Variants in C12orf56 observed in about 807,000 individuals in gnomAD.
C12orf56 encodes the protein chromosome 12 open reading frame 56, also known as uncharacterized protein C12orf56.
C12orf56 carries 71 observed loss-of-function variants against 69.9 expected under a neutral mutation model. The observed-to-expected ratio is 1.02, with a 90% CI of 0.84 to 1.24. The LOEUF (loss-of-function observed/expected upper bound fraction) is 1.24. C12orf56 is among the 50% of genes most tolerant of loss of function. The probability of loss-of-function intolerance (pLI) is 0.00; values close to 1 mark genes in which losing one functional copy is unlikely to be tolerated. For missense variants in C12orf56, 732 were observed against 738.5 expected (o/e 0.99, Z 0.10); for synonymous variants, 276 against 274.1 (o/e 1.01, Z -0.07).
intron 2 of C12orf56, 94 bp from the exon 3 acceptor site, chr12:64,331,126 C>T (rs1217586554): frequency 1.9e-6 from 2 of 1,075,610 alleles, no homozygotes; most frequent in East Asian, 5.4e-5. Context: ...AATGACTGTT[C>T]ATAAATCCTC....
At chr12:64,365,974 T>C (rs1207739660) in intron 1 of C12orf56, among the ~76,000 whole-genome samples, 1 of 129,584 alleles carries the variant, frequency 7.7e-6, no homozygotes, top group Non-Finnish European at 1.5e-5. Context: ...GTATATAATA[T>C]ATAGCTTGTA....
intron 8 of C12orf56, among the ~76,000 whole-genome samples, chr12:64,278,707 G>C (rs2038087507): frequency 6.6e-6 from 1 of 152,038 alleles, no homozygotes; most frequent in Admixed American, 6.5e-5. Context: ...TCTTCCTCCT[G>C]TCTAACTGAA....
At chr12:64,318,433 A>G in intron 4 of C12orf56, 142 bp downstream of exon 4, 2 of 706,874 alleles carry the variant, frequency 2.8e-6, no homozygotes, top group Non-Finnish European at 4.5e-6. Flanking sequence ...TTAATTGTTC[A>G]GTACATTTTG....
At chr12:64,306,720 C>A (rs568159638) in intron 5 of C12orf56, among the ~76,000 whole-genome samples, 1 of 152,264 alleles carries the variant, frequency 6.6e-6, no homozygotes, top group East Asian at 1.9e-4. Flanking sequence ...TGTATTTTTT[C>A]ATCTTTCCAG....
chr12:64,308,728 G>A (rs4763155), intron 5 of C12orf56, among the ~76,000 whole-genome samples: 148,760 of 150,938 alleles, frequency 0.99, 73,344 homozygotes, highest in Middle Eastern at 1. Context: ...CTGTAATCCT[G>A]GCTACTCAGG....
intron 3 of C12orf56, among the ~76,000 whole-genome samples, chr12:64,328,732 T>TATATATATATATAG (rs1555190211): frequency 9.3e-6 from 1 of 107,174 alleles, no homozygotes; most frequent in Non-Finnish European, 1.9e-5. Flanking sequence ...TATATATATA[T>TATATATATATATAG]ATATAGTATC....
chr12:64,297,507 A>G (rs2038382398), intron 6 of C12orf56, among the ~76,000 whole-genome samples: 1 of 152,058 alleles, frequency 6.6e-6, no homozygotes, highest in Non-Finnish European at 1.5e-5. Context: ...CACATTAGGT[A>G]TTTCTTTTAA....
chr12:64,312,683 A>G lies in C12orf56; in HGVS notation c.964T>C (p.Tyr322His). The G allele has an allele frequency of 6.5e-7, 1 of 1,532,598 alleles. No individual in the cohort carries two copies. The highest frequency in any genetic ancestry group is 1.2e-5 in the South Asian group (1 of 83,938). The allele number at this position is 1,532,598 out of a possible 1,614,324, so 94.9% of individuals were successfully genotyped here. The stretch of plus-strand genomic sequence containing the variant: ...TCATACATCATCACTTCTTACCTAT[A>G]TGGCTTTTGACTTCCAATAGCAGGA... ...FSPAIGSQKP[Y>H]RSEEKIKHFS... The change falls in exon 5 of 13, where the codon TAT (tyrosine) becomes CAT (histidine). Residue 322 changes from tyrosine to histidine, a missense_variant. By Grantham distance (83) the Tyr-to-His change is moderately conservative. Coordinates refer to ENST00000543942, the MANE Select transcript of C12orf56 (RefSeq NM_001170633.2).
chr12:64,347,426 C>G (rs983598935), intron 2 of C12orf56, among the ~76,000 whole-genome samples: 1 of 151,718 alleles, frequency 6.6e-6, no homozygotes, highest in Non-Finnish European at 1.5e-5. Context: ...GCTGGGATAA[C>G]AGGTGCATGC....
intron 1 of C12orf56, among the ~76,000 whole-genome samples, chr12:64,379,385 C>T (rs988014172): frequency 1.3e-5 from 2 of 151,642 alleles, no homozygotes; most frequent in Non-Finnish European, 2.9e-5. Context: ...CTCGGGTTCA[C>T]GCCATTCTCC....
At chr12:64,298,941 G>T (rs59450427) in intron 6 of C12orf56, among the ~76,000 whole-genome samples, 4,762 of 152,204 alleles carry the variant, frequency 0.031, 246 homozygotes, top group African/African-American at 0.11. Context: ...AGCTTGATGG[G>T]GATAGCATTG....
intron 6 of C12orf56, among the ~76,000 whole-genome samples, chr12:64,288,868 T>G (rs1303850002): frequency 1.3e-5 from 2 of 151,260 alleles, no homozygotes; most frequent in Non-Finnish European, 2.9e-5. Flanking sequence ...TTAAAGTAGT[T>G]TTTTCCAATT....
At chr12:64,318,180 C>T (rs2038713691) in intron 4 of C12orf56, among the ~76,000 whole-genome samples, 1 of 152,074 alleles carries the variant, frequency 6.6e-6, no homozygotes, top group Non-Finnish European at 1.5e-5. Flanking sequence ...CATGCCTCAG[C>T]CTCCCAAATA....
intron 5 of C12orf56, among the ~76,000 whole-genome samples, chr12:64,308,943 G>GAAAGAAAGAAAGAAAGAAAGAAAGAAA (rs2038564848): frequency 3.0e-5 from 1 of 33,464 alleles, no homozygotes; most frequent in African/African-American, 8.9e-5. Flanking sequence ...AAAGAAAGAA[G>GAAAGAAAGAAAGAAAGAAAGAAAGAAA]AAAGAAAGAA....
At chr12:64,274,440 C>G (rs1020470122) in intron 11 of C12orf56, among the ~76,000 whole-genome samples, 24 of 152,166 alleles carry the variant, frequency 1.6e-4, no homozygotes, top group African/African-American at 5.8e-4. Flanking sequence ...TCAAATGGAT[C>G]CCTCAGCCTG....
chr12:64,388,530 A>G (rs1446990637), intron 1 of C12orf56, among the ~76,000 whole-genome samples: 1 of 152,180 alleles, frequency 6.6e-6, no homozygotes, highest in Non-Finnish European at 1.5e-5. Context: ...GGCATGAGCC[A>G]CCTTACCCAG....
chr12:64,323,388 G>A (rs1441288759), intron 3 of C12orf56, among the ~76,000 whole-genome samples: 1 of 152,116 alleles, frequency 6.6e-6, no homozygotes, highest in Non-Finnish European at 1.5e-5. Context: ...ATCTCTGTCT[G>A]TATCTATATC....
intron 2 of C12orf56, among the ~76,000 whole-genome samples, chr12:64,350,398 G>A (rs779029171): frequency 3.3e-4 from 50 of 152,186 alleles, no homozygotes; most frequent in Non-Finnish European, 6.5e-4. Context: ...CAGTAATAAC[G>A]TACCACAGAG....
intron 2 of C12orf56, among the ~76,000 whole-genome samples, chr12:64,346,980 A>ATAGTTACATT (rs201409283): frequency 6.7e-6 from 1 of 149,252 alleles, no homozygotes; most frequent in Non-Finnish European, 1.5e-5. Flanking sequence ...ATCTAGTTAC[A>ATAGTTACATT]TTTTTTTTTT....
Sources: gnomAD v4.1 joint callset for allele counts (sites outside exome capture counted in the v4.1 genomes callset) on GRCh38, gnomAD v4.1.1 for gene constraint, MANE v1.5 for transcripts, NCBI Gene and HGNC (gene_info 2026-07-23, HGNC 2026-07-21) for gene names.